The following ATP2B2 variants were observed in gnomAD, a reference collection of about 807,000 sequenced individuals.
The protein encoded by ATP2B2 is ATPase plasma membrane Ca2+ transporting 2.
Under a neutral mutation model 120.0 loss-of-function variants are expected in ATP2B2, and 15 were observed. The ratio of observed to expected loss-of-function variants is 0.12; its 90% CI spans 0.08 to 0.19. ATP2B2 has a LOEUF of 0.19. ATP2B2 is among the 10% of genes least tolerant of loss of function. The probability of loss-of-function intolerance (pLI) is 1.00; values close to 1 mark genes in which losing one functional copy is unlikely to be tolerated. For missense variants in ATP2B2, 1,045 were observed against 1,719.8 expected, an observed-to-expected ratio of 0.61 and a Z score of 6.94; for synonymous variants, 694 against 700.3, an observed-to-expected ratio of 0.99 and a Z score of 0.14.
chr3:10,512,390 T>C (rs2066778728), intron 3 of ATP2B2, among the ~76,000 whole-genome samples: 1 of 151,878 alleles, frequency 6.6e-6, no homozygotes, highest in South Asian at 2.1e-4. Flanking sequence ...ATGTCCAGCC[T>C]GAATGGCTCA....
At chr3:10,341,471 C>T (rs1026303442) in intron 19 of ATP2B2, among the ~76,000 whole-genome samples, 22 of 152,102 alleles carry the variant, frequency 1.4e-4, no homozygotes, top group East Asian at 1.2e-3. Flanking sequence ...CCATCACGCC[C>T]GGCTAATTTT....
At chr3:10,369,462 C>A (rs1285158477) in intron 12 of ATP2B2, among the ~76,000 whole-genome samples, 1 of 152,218 alleles carries the variant, frequency 6.6e-6, no homozygotes, top group Non-Finnish European at 1.5e-5. Context: ...GACTCAGCAG[C>A]TAGCTTTAGG....
chr3:10,501,569 G>T (rs2125406592), intron 1 of ATP2B2, among the ~76,000 whole-genome samples: 1 of 152,216 alleles, frequency 6.6e-6, no homozygotes, highest in East Asian at 1.9e-4. Context: ...TGGGGTCTTG[G>T]AGAGTGCCCT....
chr3:10,538,872 C>T (rs1414136345), intron 2 of ATP2B2, among the ~76,000 whole-genome samples: 1 of 152,112 alleles, frequency 6.6e-6, no homozygotes, highest in African/African-American at 2.4e-5. Context: ...GAAGTTCTGG[C>T]CAGGGCAATC....
chr3:10,371,121 T>C (rs761397081), intron 12 of ATP2B2, among the ~76,000 whole-genome samples: 46 of 152,250 alleles, frequency 3.0e-4, no homozygotes, highest in Non-Finnish European at 4.8e-4. Context: ...ATTTTACCAC[T>C]GTGTGAATCT....
rs1329920942 is a variant in ATP2B2, at chr3:10,342,531, C to A, written c.2917+221G>T. Among the ~76,000 whole-genome samples the A allele has an allele frequency of 6.6e-6, 1 of 152,154 alleles. No individual in the cohort carries two copies. Among genetic ancestry groups the A allele is most frequent in the East Asian group, 1.9e-4 (1 of 5,178 alleles). ...CAGGAGCTGTCACCAGTGGAGAAAG[C>A]CACTGATGGCTTTAGGGTTAGCCAG... On this transcript the variant is annotated intron_variant, in intron 19 of 22. Coordinates refer to ENST00000360273, the MANE Select transcript of ATP2B2 (RefSeq NM_001001331.4). The surrounding 1 kb of genome is among the most constrained non-coding windows in gnomAD (Gnocchi z 4.4).
At chr3:10,554,131 A>T (rs2067729243) in intron 2 of ATP2B2, among the ~76,000 whole-genome samples, 1 of 152,120 alleles carries the variant, frequency 6.6e-6, no homozygotes, top group Admixed American at 6.5e-5. Flanking sequence ...ATAAAGAATT[A>T]ACCCCATGTA....
chr3:10,702,062 A>G (rs1280443722), intron 1 of ATP2B2, among the ~76,000 whole-genome samples: 1 of 152,154 alleles, frequency 6.6e-6, no homozygotes, highest in African/African-American at 2.4e-5. Flanking sequence ...TGAAGCCAGG[A>G]AGTAGCTGAT....
chr3:10,488,180 C>G (rs570138068), intron 1 of ATP2B2, among the ~76,000 whole-genome samples: 11 of 142,854 alleles, frequency 7.7e-5, no homozygotes. Flanking sequence ...CATCTACCCA[C>G]CCATCTATCC....
At chr3:10,440,850 T>G (rs1686037545) in intron 2 of ATP2B2, among the ~76,000 whole-genome samples, 1 of 152,248 alleles carries the variant, frequency 6.6e-6, no homozygotes. Flanking sequence ...CGTGGTGCTC[T>G]GAGCCTCAAT....
At chr3:10,404,727 G>GT (rs1474363453) in intron 3 of ATP2B2, among the ~76,000 whole-genome samples, 2 of 152,176 alleles carry the variant, frequency 1.3e-5, no homozygotes, top group African/African-American at 4.8e-5. Context: ...GGTGCCTCCT[G>GT]TACCACCATG....
intron 2 of ATP2B2, among the ~76,000 whole-genome samples, chr3:10,551,140 C>T (rs2067660998): frequency 6.6e-6 from 1 of 152,330 alleles, no homozygotes; most frequent in African/African-American, 2.4e-5. Flanking sequence ...CATACCAAGT[C>T]GCTCAAATAA....
At position 10,355,801 on chromosome 3, in the gene ATP2B2, C is replaced by T. The variant is rs1314122268; in HGVS notation, c.2136+2890G>A. Among the ~76,000 whole-genome samples the T allele has an allele frequency of 1.1e-3, 27 of 25,344 alleles. 9 individuals are homozygous for T. The highest frequency in any genetic ancestry group is 1.8e-3 in the Non-Finnish European group (23 of 13,070). 16.6% of individuals were successfully genotyped at this position (25,344 alleles called of 152,430 possible). On this transcript the variant is annotated intron_variant, in intron 14 of 22. Transcript: ENST00000360273. ...ACTACTTGTCCTTTCCGGCCGGGCGCGGTGGCTCACGCCTGTAATCCCAGC... is the reference window on the plus strand; with the variant it reads ...ACTACTTGTCCTTTCCGGCCGGGCGTGGTGGCTCACGCCTGTAATCCCAGC...
At chr3:10,493,758 A>G (rs2066027123) in intron 1 of ATP2B2, among the ~76,000 whole-genome samples, 2 of 152,056 alleles carry the variant, frequency 1.3e-5, no homozygotes, top group Non-Finnish European at 2.9e-5. Flanking sequence ...AACAAACAAA[A>G]CACACTGGCT....
At chr3:10,393,072 TGA>T (rs2061909601) in intron 5 of ATP2B2, among the ~76,000 whole-genome samples, 1 of 152,172 alleles carries the variant, frequency 6.6e-6, no homozygotes, top group African/African-American at 2.4e-5. Context: ...CTCTCGGGTC[TGA>T]GAGAGGTCCC....
chr3:10,466,843 C>T (rs924245976), intron 1 of ATP2B2, among the ~76,000 whole-genome samples: 7 of 152,218 alleles, frequency 4.6e-5, no homozygotes, highest in African/African-American at 1.4e-4. Context: ...CTAGAGATAT[C>T]AGGGGCCTGC....
At chr3:10,349,421 C>T (rs746824765) in intron 16 of ATP2B2, among the ~76,000 whole-genome samples, 1 of 152,084 alleles carries the variant, frequency 6.6e-6, no homozygotes, top group African/African-American at 2.4e-5. Flanking sequence ...CACCACTGCA[C>T]TCTAGCTTGG....
At chr3:10,374,017 G>A (rs754482397) in intron 11 of ATP2B2, among the ~76,000 whole-genome samples, 176 of 152,288 alleles carry the variant, frequency 1.2e-3, no homozygotes, top group Non-Finnish European at 2.2e-3. Flanking sequence ...TGCCTCTCCT[G>A]TGTTGGGGTG....
chr3:10,400,604 C>T (rs1426147481), intron 5 of ATP2B2, among the ~76,000 whole-genome samples: 1 of 152,234 alleles, frequency 6.6e-6, no homozygotes, highest in Non-Finnish European at 1.5e-5. Context: ...AGCTGGTGGC[C>T]AGAATGCTTA....
Sources: gnomAD v4.1 joint callset for allele counts (sites outside exome capture counted in the v4.1 genomes callset) on GRCh38, gnomAD v4.1.1 for gene constraint, Gnocchi (gnomAD v3.1) non-coding constraint, MANE v1.5 for transcripts, NCBI Gene and HGNC (gene_info 2026-07-23, HGNC 2026-07-21) for gene names.